Variants in GABRG3 observed in about 807,000 individuals in gnomAD.
GABRG3 encodes gamma-aminobutyric acid type A receptor subunit gamma3.
GABRG3 carries 25 observed loss-of-function variants against 48.8 expected under a neutral mutation model. That is an observed-to-expected ratio of 0.51 (90% CI 0.37 to 0.72). The LOEUF (loss-of-function observed/expected upper bound fraction) is 0.72. Ranked by LOEUF, GABRG3 falls within the 30% of genes least tolerant of loss-of-function variation. GABRG3 has a pLI of 0.00. For missense variants in GABRG3, 394 were observed against 577.9 expected, an observed-to-expected ratio of 0.68 and a Z score of 3.26; for synonymous variants, 227 against 217.6, an observed-to-expected ratio of 1.04 and a Z score of -0.38.
At chr15:27,277,979 C>G (rs1275355709) in intron 3 of GABRG3, among the ~76,000 whole-genome samples, 1 of 152,064 alleles carries the variant, frequency 6.6e-6, no homozygotes, top group African/African-American at 2.4e-5. Flanking sequence ...CTGGCATTGG[C>G]ACAATTCACA....
chr15:26,977,512 C>CAATTTGTTATTTTATTTTTATTT, intron 2 of GABRG3, among the ~76,000 whole-genome samples: 1 of 152,228 alleles, frequency 6.6e-6, no homozygotes, highest in East Asian at 1.9e-4. Flanking sequence ...CAAATTTGTT[C>CAATTTGTTATTTTATTTTTATTT]AATTTGTTAT....
chr15:26,983,682 GA>G (rs1895097296), intron 2 of GABRG3, among the ~76,000 whole-genome samples: 1 of 152,196 alleles, frequency 6.6e-6, no homozygotes, highest in South Asian at 2.1e-4. Context: ...GCTGAGGCAG[GA>G]GGATGGCTTG....
At chr15:27,312,581 C>G (rs924594814) in intron 3 of GABRG3, among the ~76,000 whole-genome samples, 3 of 152,100 alleles carry the variant, frequency 2.0e-5, no homozygotes, top group African/African-American at 7.2e-5. Flanking sequence ...CCCCATAAAA[C>G]TGTGAGTGGA....
intron 5 of GABRG3, among the ~76,000 whole-genome samples, chr15:27,361,666 G>A (rs1382656685): frequency 2.0e-5 from 3 of 152,188 alleles, no homozygotes; most frequent in Non-Finnish European, 4.4e-5. Flanking sequence ...AACATTTAAT[G>A]AGGGTGGGTG....
chr15:27,090,072 T>C (rs1471095700), intron 3 of GABRG3, among the ~76,000 whole-genome samples: 2 of 152,236 alleles, frequency 1.3e-5, no homozygotes, highest in African/African-American at 4.8e-5. Context: ...AGGTAGTCCC[T>C]GACTTAAGAT....
intron 3 of GABRG3, among the ~76,000 whole-genome samples, chr15:27,166,341 G>A (rs1434563432): frequency 6.6e-6 from 1 of 152,118 alleles, no homozygotes; most frequent in East Asian, 1.9e-4. Context: ...TTCCATTTTA[G>A]TATTGATTTG....
intron 5 of GABRG3, among the ~76,000 whole-genome samples, chr15:27,403,599 C>T (rs1016119233): frequency 3.3e-5 from 5 of 152,104 alleles, no homozygotes; most frequent in African/African-American, 1.2e-4. Flanking sequence ...CAGAAGACAA[C>T]GGAGTGAATT....
chr15:27,271,807 C>G (rs1595627703), intron 3 of GABRG3, among the ~76,000 whole-genome samples: 1 of 152,176 alleles, frequency 6.6e-6, no homozygotes, highest in East Asian at 1.9e-4. Context: ...CTGGAGGAAG[C>G]TTTGCTGTTA....
intron 5 of GABRG3, among the ~76,000 whole-genome samples, chr15:27,427,283 T>A (rs532180223): frequency 3.3e-5 from 5 of 152,282 alleles, no homozygotes; most frequent in African/African-American, 1.2e-4. Flanking sequence ...TTAAAAAATT[T>A]GAGGTATATA....
At chr15:27,469,265 T>G (rs1889710740) in intron 5 of GABRG3, among the ~76,000 whole-genome samples, 2 of 145,414 alleles carry the variant, frequency 1.4e-5, no homozygotes, top group African/African-American at 5.1e-5. Flanking sequence ...TACAGTTGGC[T>G]TGTTTGAAGC....
At chr15:27,378,643 T>A (rs977632797) in intron 5 of GABRG3, among the ~76,000 whole-genome samples, 19 of 152,212 alleles carry the variant, frequency 1.2e-4, no homozygotes, top group African/African-American at 4.3e-4. Flanking sequence ...ATGGATGTTT[T>A]GGCTTCATAG....
At chr15:27,403,749 C>G (rs1887540612) in intron 5 of GABRG3, among the ~76,000 whole-genome samples, 1 of 150,208 alleles carries the variant, frequency 6.7e-6, no homozygotes, top group South Asian at 2.1e-4. Flanking sequence ...CCCGTCTCTA[C>G]TAAAAATAAA....
intron 5 of GABRG3, among the ~76,000 whole-genome samples, chr15:27,384,499 A>G (rs957824556): frequency 5.9e-5 from 9 of 152,228 alleles, no homozygotes; most frequent in African/African-American, 1.7e-4. Context: ...ACACACGCAC[A>G]CACACACAAG....
chr15:27,036,185 AG>A (rs1318009298), intron 3 of GABRG3, among the ~76,000 whole-genome samples: 3 of 152,228 alleles, frequency 2.0e-5, no homozygotes, highest in Non-Finnish European at 4.4e-5. Context: ...AGTTTTATAA[AG>A]AAATTAAACT....
chr15:27,175,337 C>T (rs1458933371), intron 3 of GABRG3, among the ~76,000 whole-genome samples: 1 of 152,236 alleles, frequency 6.6e-6, no homozygotes, highest in Non-Finnish European at 1.5e-5. Context: ...ATCCACAGCC[C>T]TGACACCTTG....
chr15:27,167,751 C>T (rs561133843), intron 3 of GABRG3, among the ~76,000 whole-genome samples: 13 of 152,172 alleles, frequency 8.5e-5, no homozygotes, highest in South Asian at 2.1e-4. Flanking sequence ...AGGTGCACAC[C>T]GGGAGAAAAG....
intron 3 of GABRG3, among the ~76,000 whole-genome samples, chr15:27,044,822 C>T (rs951506081): frequency 3.2e-4 from 49 of 152,294 alleles, no homozygotes; most frequent in Non-Finnish European, 1.5e-4. Flanking sequence ...ACCAGTTGGC[C>T]GCCTGTGACT....
intron 3 of GABRG3, among the ~76,000 whole-genome samples, chr15:27,154,641 T>C (rs545603145): frequency 4.3e-4 from 65 of 152,328 alleles, no homozygotes; most frequent in African/African-American, 1.6e-3. Flanking sequence ...TATTGATTGA[T>C]TTTTGAATAT....
At chr15:27,100,481 A>T (rs760188729) in intron 3 of GABRG3, among the ~76,000 whole-genome samples, 1 of 152,234 alleles carries the variant, frequency 6.6e-6, no homozygotes, top group African/African-American at 2.4e-5. Context: ...ATTTTTTATG[A>T]AGCTAATATT....
Sources: gnomAD v4.1 joint callset for allele counts (sites outside exome capture counted in the v4.1 genomes callset) on GRCh38, gnomAD v4.1.1 for gene constraint, MANE v1.5 for transcripts, NCBI Gene and HGNC (gene_info 2026-07-23, HGNC 2026-07-21) for gene names.